CSMD2: variants seen among roughly 807,000 people sequenced by gnomAD.
CSMD2 encodes the protein CUB and Sushi multiple domains 2.
CSMD2 carries 130 observed loss-of-function variants against 398.5 expected under a neutral mutation model. The observed-to-expected ratio is 0.33, with a 90% CI of 0.28 to 0.38. CSMD2 has a LOEUF of 0.38. Among genes scored for constraint, CSMD2 ranks in the 10% least tolerant of loss-of-function variants. The pLI is 1.00. For synonymous variants in CSMD2, 1,828 were observed against 1,908.5 expected (o/e 0.96, Z 1.10); for missense variants, 3,829 against 4,764.9 (o/e 0.80, Z 5.78).
Position 33,583,712 on chromosome 1 carries a change from G to T in CSMD2, c.7170C>A (p.Asp2390Glu), listed in dbSNP as rs1390813086. Reference protein sequence around the residue: ...TCSWLVRVEPDYNISLTVEYF... With the variant: ...TCSWLVRVEPEYNISLTVEYF... ...ACTCCACTGTGAGGGAGATGTTATA[G>T]TCGGGCTCCACTCTCACCAGCCAAG... The change falls in exon 47 of 71, where the codon GAC (aspartate) becomes GAA (glutamate). Residue 2390 changes from aspartate to glutamate, a missense_variant. Coordinates refer to ENST00000373381, the MANE Select transcript of CSMD2 (RefSeq NM_001281956.2). The T allele has an allele frequency of 1.9e-6, 3 of 1,614,204 alleles. No homozygotes were observed. The highest frequency in any genetic ancestry group is 2.5e-6 in the Non-Finnish European group (3 of 1,180,030).
chr1:33,781,546 C>A (rs201243690), intron 12 of CSMD2, among the ~76,000 whole-genome samples: 1 of 152,172 alleles, frequency 6.6e-6, no homozygotes, highest in Non-Finnish European at 1.5e-5. Flanking sequence ...TGTTGGGCAG[C>A]CCCTCTGCAT....
chr1:33,652,256 G>T (rs1643797392), intron 28 of CSMD2, 67 bp downstream of exon 28: 1 of 1,542,114 alleles, frequency 6.5e-7, no homozygotes, highest in Non-Finnish European at 8.9e-7. Flanking sequence ...CTCACCTGGA[G>T]ACCCAGGTCC....
chr1:33,836,001 C>G (rs1660211274), intron 6 of CSMD2, among the ~76,000 whole-genome samples: 1 of 152,122 alleles, frequency 6.6e-6, no homozygotes, highest in African/African-American at 2.4e-5. Flanking sequence ...GTTTTATCTA[C>G]CTTTGGTCTT....
intron 1 of CSMD2, among the ~76,000 whole-genome samples, chr1:34,126,006 T>C (rs949794613): frequency 3.3e-5 from 5 of 152,182 alleles, no homozygotes; most frequent in African/African-American, 9.7e-5. Context: ...CCTCACTTCT[T>C]CAGCTCCAAA....
At position 34,125,222 on chromosome 1, in the gene CSMD2, G is replaced by A. The variant is rs12081814; in HGVS notation, c.188-36029C>T. On this transcript the variant is annotated intron_variant, in intron 1 of 70. Transcript: ENST00000373381. Reference sequence around the variant, plus strand: ...AATAAAATTTCACAAGTGGAAAAGGGAGGGAAGGAAACTTCAGAGACAGGG... The same window carrying A: ...AATAAAATTTCACAAGTGGAAAAGGAAGGGAAGGAAACTTCAGAGACAGGG... Among the ~76,000 whole-genome samples, 272 of 152,324 alleles carry A rather than the reference G, an allele frequency of 1.8e-3. 1 individual carries two copies. The highest frequency in any genetic ancestry group is 6.2e-3 in the African/African-American group (256 of 41,580).
chr1:33,840,768 T>C (rs1463947321), intron 6 of CSMD2, among the ~76,000 whole-genome samples: 1 of 152,176 alleles, frequency 6.6e-6, no homozygotes, highest in Non-Finnish European at 1.5e-5. Context: ...CCTGGGCTCC[T>C]GAGCCAAGCA....
intron 3 of CSMD2, among the ~76,000 whole-genome samples, chr1:33,979,862 AC>A (rs1415769201): frequency 2.0e-5 from 3 of 151,752 alleles, no homozygotes; most frequent in African/African-American, 7.3e-5. Context: ...AAGTTCTTTA[AC>A]CTCTCTGAGC....
intron 15 of CSMD2, among the ~76,000 whole-genome samples, chr1:33,732,121 C>T (rs919414708): frequency 3.3e-5 from 5 of 152,072 alleles, no homozygotes; most frequent in Admixed American, 6.5e-5. Context: ...TGTGCGTGCA[C>T]ATGCACACAC....
chr1:33,700,725 GAAC>G (rs1490475884), intron 22 of CSMD2, 52 bp from the exon 23 acceptor site: 18 of 1,582,420 alleles, frequency 1.1e-5, no homozygotes, highest in Non-Finnish European at 1.5e-5. Context: ...GCCTTATGTT[GAAC>G]AACACCTCCT....
Position 33,917,910 on chromosome 1 carries a change from C to G in CSMD2, c.920+184G>C, listed in dbSNP as rs1306444701. Among the ~76,000 whole-genome samples the G allele has an allele frequency of 1.7e-4, 26 of 152,154 alleles. 1 individual carries two copies. On this transcript the variant is annotated intron_variant, in intron 5 of 70. Transcript: ENST00000373381. ...GATATCAAAATCACTATAAAAATTA[C>G]CCCAGCTCTAAAAATATGCAGTGCT...
chr1:33,662,151 T>C (rs914418133), intron 26 of CSMD2, among the ~76,000 whole-genome samples: 1 of 152,178 alleles, frequency 6.6e-6, no homozygotes, highest in Non-Finnish European at 1.5e-5. Flanking sequence ...CATTGGCCAT[T>C]TTGGGTAGCT....
chr1:33,578,320 G>C (rs1358179818), intron 48 of CSMD2, among the ~76,000 whole-genome samples: 1 of 152,250 alleles, frequency 6.6e-6, no homozygotes, highest in Non-Finnish European at 1.5e-5. Context: ...GCTCACGCCA[G>C]TAATCCCAGC....
chr1:34,118,791 TGGAA>T (rs1387475894), intron 1 of CSMD2, among the ~76,000 whole-genome samples: 1 of 152,180 alleles, frequency 6.6e-6, no homozygotes, highest in Non-Finnish European at 1.5e-5. Context: ...CACAAATAAA[TGGAA>T]AGACATTCCA....
Position 33,620,451 on chromosome 1 carries a change from T to A in CSMD2, c.5827+1716A>T, listed in dbSNP as rs138804731. Among the ~76,000 whole-genome samples the A allele has an allele frequency of 2.3e-3, 347 of 152,304 alleles. 5 individuals are homozygous for A. The highest frequency in any genetic ancestry group is 7.2e-3 in the African/African-American group (301 of 41,564). The stretch of plus-strand genomic sequence containing the variant: ...TCATGAGGGGACAACACATGAAATG[T>A]CAGCTACTGGGAAAACTGCCAGTCC... On this transcript the variant is annotated intron_variant, in intron 37 of 70. Coordinates refer to ENST00000373381, the MANE Select transcript of CSMD2 (RefSeq NM_001281956.2).
chr1:33,627,857 C>A (rs144917759), intron 32 of CSMD2, among the ~76,000 whole-genome samples: 1 of 152,358 alleles, frequency 6.6e-6, no homozygotes, highest in African/African-American at 2.4e-5. Flanking sequence ...TTTGGCCTGA[C>A]AGATGTGGAT....
chr1:33,646,909 C>G, intron 28 of CSMD2, 74 bp from the exon 29 acceptor site: 1 of 1,460,570 alleles, frequency 6.8e-7, no homozygotes, highest in Non-Finnish European at 9.2e-7. Flanking sequence ...TTAGGCTCAA[C>G]CAAAGCATAG....
intron 5 of CSMD2, among the ~76,000 whole-genome samples, chr1:33,890,659 C>T (rs1391615570): frequency 6.6e-6 from 1 of 151,972 alleles, no homozygotes; most frequent in South Asian, 2.1e-4. Context: ...TACAAGGCTA[C>T]AGTAACCAAA....
chr1:33,608,499 G>A (rs1479878843), intron 41 of CSMD2, among the ~76,000 whole-genome samples: 2 of 152,188 alleles, frequency 1.3e-5, no homozygotes, highest in Non-Finnish European at 1.5e-5. Context: ...AAATTCATAT[G>A]CTGAAGACTT....
rs773899854 is a variant in CSMD2 at position 33,523,432 on chromosome 1, G to A, written c.10397-13C>T. On this transcript the variant is annotated splice_polypyrimidine_tract_variant and intron_variant, in intron 66 of 70. Transcript: ENST00000373381. The stretch of plus-strand genomic sequence containing the variant: ...TTCTTGTAAGTTCCTGGGAAATAAA[G>A]TTCAGGTGTTACACATGAAAGATAT... The A allele has an allele frequency of 1.6e-6, 2 of 1,219,748 alleles. No homozygotes were observed. The highest frequency in any genetic ancestry group is 1.2e-6 in the Non-Finnish European group (1 of 841,432). 75.6% of individuals were successfully genotyped at this position (1,219,748 alleles called of 1,614,324 possible).
Sources: allele counts gnomAD v4.1 joint callset (sites outside exome capture counted in the v4.1 genomes callset), GRCh38; gene constraint gnomAD v4.1.1; transcripts MANE v1.5; gene names NCBI Gene and HGNC (gene_info 2026-07-23, HGNC 2026-07-21).